The following SAMD12 variants were observed in gnomAD, a reference collection of about 807,000 sequenced individuals.
SAMD12 encodes sterile alpha motif domain containing 12, also known as sterile alpha motif domain-containing protein 12.
In SAMD12, 9 loss-of-function variants were observed where a neutral mutation model predicts 15.0. That is an observed-to-expected ratio of 0.60 (90% CI 0.36 to 1.05). The LOEUF (loss-of-function observed/expected upper bound fraction) is 1.05, where lower values mean the gene tolerates loss of function less well. Among genes scored for constraint, SAMD12 ranks in the 50% least tolerant of loss-of-function variants. The pLI is 0.01. For synonymous variants in SAMD12, 86 were observed against 90.1 expected (o/e 0.96, Z 0.25); for missense variants, 230 against 234.2 (o/e 0.98, Z 0.12).
rs1198069026 is a variant in SAMD12, at chr8:118,587,009, A to ACTGCCATCTGCAAAGCAGAGACTAT, written c.14-6141_14-6117dup. 9.8e-5 allele frequency among the ~76,000 whole-genome samples: 15 copies of ACTGCCATCTGCAAAGCAGAGACTAT among 152,372 alleles called. 2 individuals carry two copies. The East Asian group carries it at 2.1e-3, about 22-fold the overall frequency. On this transcript the variant is annotated intron_variant, in intron 1 of 3. Coordinates refer to ENST00000314727, the MANE Select transcript of SAMD12 (RefSeq NM_207506.3). ...TATCCTGAAACTACTGATTTATTTG[A>ACTGCCATCTGCAAAGCAGAGACTAT]CTGCCATCTGCAAAGCAGAGACTAT...
chr8:118,347,118 A>C (rs201436490), intron 4 of SAMD12, among the ~76,000 whole-genome samples: 1 of 152,210 alleles, frequency 6.6e-6, no homozygotes, highest in East Asian at 1.9e-4. Context: ...TTGTAGAGAC[A>C]GGGTCTCGCT....
intron 2 of SAMD12, among the ~76,000 whole-genome samples, chr8:118,483,902 T>C (rs1306421498): frequency 6.6e-6 from 1 of 152,238 alleles, no homozygotes; most frequent in Non-Finnish European, 1.5e-5. Context: ...GCCAGATTTA[T>C]TCAATCAGCA....
chr8:118,159,003 C>A, the SAMD12 span, among the ~76,000 whole-genome samples: 4 of 152,032 alleles, frequency 2.6e-5, no homozygotes, highest in African/African-American at 9.7e-5. Context: ...GACAAGAACT[C>A]GGGACCTGCT....
chr8:118,597,565 C>T (rs1007223771), intron 1 of SAMD12, among the ~76,000 whole-genome samples: 4 of 152,232 alleles, frequency 2.6e-5, no homozygotes, highest in African/African-American at 9.6e-5. Context: ...CAGAGCAAAT[C>T]CTGAAGTCTC....
intron 4 of SAMD12, among the ~76,000 whole-genome samples, chr8:118,226,923 C>A (rs1391864403): frequency 6.6e-6 from 1 of 152,078 alleles, no homozygotes; most frequent in Non-Finnish European, 1.5e-5. Context: ...TTCCATAAAC[C>A]TTTGATAGCA....
the SAMD12 span, among the ~76,000 whole-genome samples, chr8:118,132,474 C>A: frequency 6.6e-6 from 1 of 152,094 alleles, no homozygotes; most frequent in African/African-American, 2.4e-5. Context: ...ATCATCAATT[C>A]AAGTTTCCAG....
chr8:118,532,535 C>T (rs1252487284), intron 2 of SAMD12, among the ~76,000 whole-genome samples: 1 of 152,160 alleles, frequency 6.6e-6, no homozygotes, highest in South Asian at 2.1e-4. Context: ...CTTTGTACCT[C>T]TGGTAGAATT....
chr8:118,421,201 T>C (rs1821980476), intron 3 of SAMD12, among the ~76,000 whole-genome samples: 1 of 152,226 alleles, frequency 6.6e-6, no homozygotes, highest in Non-Finnish European at 1.5e-5. Flanking sequence ...AATTAAATGA[T>C]TTAATACATA....
chr8:118,527,388 C>T (rs4876850), intron 2 of SAMD12, among the ~76,000 whole-genome samples: 87,977 of 152,072 alleles, frequency 0.58, 25,759 homozygotes, highest in South Asian at 0.7. Context: ...ATTTCATTAA[C>T]AGAGAAGAAA....
intron 3 of SAMD12, among the ~76,000 whole-genome samples, chr8:118,418,659 C>A (rs1313673034): frequency 6.6e-6 from 1 of 151,306 alleles, no homozygotes; most frequent in Admixed American, 6.6e-5. Flanking sequence ...GTGGAGCTTG[C>A]AGTGAGCCGA....
chr8:118,466,053 A>G (rs1304207243), intron 2 of SAMD12, among the ~76,000 whole-genome samples: 1 of 152,166 alleles, frequency 6.6e-6, no homozygotes, highest in Non-Finnish European at 1.5e-5. Flanking sequence ...TCCATCTCAC[A>G]TCTCATCTCA....
intron 2 of SAMD12, among the ~76,000 whole-genome samples, chr8:118,548,998 C>T (rs1466359514): frequency 6.6e-6 from 1 of 152,266 alleles, no homozygotes; most frequent in Non-Finnish European, 1.5e-5. Context: ...ATTGCGCAGG[C>T]TTGCTTAGGT....
At chr8:118,406,262 T>C (rs916044237) in intron 3 of SAMD12, among the ~76,000 whole-genome samples, 2 of 152,040 alleles carry the variant, frequency 1.3e-5, no homozygotes, top group Non-Finnish European at 2.9e-5. Flanking sequence ...ATCTTAACCA[T>C]TTTATTTTTA....
intron 1 of SAMD12, among the ~76,000 whole-genome samples, chr8:118,600,088 A>T (rs1480881129): frequency 6.6e-6 from 1 of 152,210 alleles, no homozygotes; most frequent in Non-Finnish European, 1.5e-5. Flanking sequence ...CTAGTCTCTC[A>T]TAATTGTAAG....
chr8:118,458,283 T>A (rs1823317970), intron 2 of SAMD12, among the ~76,000 whole-genome samples: 1 of 152,232 alleles, frequency 6.6e-6, no homozygotes, highest in Non-Finnish European at 1.5e-5. Flanking sequence ...TCCTCTTCAA[T>A]GTAGCCAGGT....
chr8:118,180,467 T>C, the SAMD12 span, among the ~76,000 whole-genome samples: 1 of 152,158 alleles, frequency 6.6e-6, no homozygotes, highest in African/African-American at 2.4e-5. Context: ...CCTAACTATC[T>C]TGCAGTTAGG....
downstream of SAMD12, chr8:118,375,580 A>G (rs1185709846): frequency 6.6e-6 from 1 of 152,180 alleles, no homozygotes; most frequent in Non-Finnish European, 1.5e-5. Context: ...AGTGATTTAC[A>G]TATCTTAGCT....
At position 118,477,051 on chromosome 8, in the gene SAMD12, A is replaced by G. The variant is rs1326100681; in HGVS notation, c.193-37090T>C. On this transcript the variant is annotated intron_variant, in intron 2 of 3. Transcript: ENST00000314727. ...CAGCACCGAGATGGACCACTGGCTG[A>G]TTCTGAGGCTTTCTTTTTCTTTTTT... is the stretch of plus-strand genomic sequence containing the variant. Among the ~76,000 whole-genome samples, 3 of 144,904 alleles carry G rather than the reference A, an allele frequency of 2.1e-5. No individual in the cohort carries two copies. In the Admixed American group the frequency reaches 2.2e-4, roughly 10 times the overall value.
intron 4 of SAMD12, among the ~76,000 whole-genome samples, chr8:118,365,874 T>C (rs184990568): frequency 1.8e-3 from 270 of 152,086 alleles, no homozygotes; most frequent in African/African-American, 6.0e-3. Flanking sequence ...CTGAAGGAGA[T>C]TTTCCTGATC....
Sources: gnomAD v4.1 joint callset for allele counts (sites outside exome capture counted in the v4.1 genomes callset) on GRCh38, gnomAD v4.1.1 for gene constraint, MANE v1.5 for transcripts, NCBI Gene and HGNC (gene_info 2026-07-23, HGNC 2026-07-21) for gene names.